RAI2: variants seen among roughly 807,000 people sequenced by gnomAD.
RAI2 encodes retinoic acid-induced protein 2.
A neutral mutation model predicts 15.3 loss-of-function variants in RAI2; 5 were observed. The ratio of observed to expected loss-of-function variants is 0.33; its 90% confidence interval spans 0.17 to 0.69. The LOEUF is 0.69. Among genes scored for constraint, RAI2 ranks in the 30% least tolerant of loss-of-function variants. RAI2 has a pLI of 0.69. For missense variants in RAI2, 424 were observed against 424.7 expected (o/e 1.00, Z 0.01); for synonymous variants, 191 against 184.0 (o/e 1.04, Z -0.31).
chrX:17,850,829 G>GT (rs2067523240), intron 1 of RAI2, among the ~76,000 whole-genome samples: 1 of 112,842 alleles, frequency 8.9e-6, no homozygotes. Flanking sequence ...TTGATAAGTC[G>GT]TAAGAGAAAG....
chrX:17,816,967 T>C (rs1244759822), intron 1 of RAI2, among the ~76,000 whole-genome samples: 1 of 111,217 alleles, frequency 9.0e-6, no homozygotes, highest in Non-Finnish European at 1.9e-5. Context: ...CAAAAGGACC[T>C]TTTAGAAGCT....
chrX:17,827,257 G>A (rs2147245885), intron 1 of RAI2, among the ~76,000 whole-genome samples: 1 of 111,745 alleles, frequency 8.9e-6, no homozygotes, highest in East Asian at 2.8e-4. Flanking sequence ...TCCCCTTGCA[G>A]GCCACACAGA....
rs1203336120 is a variant in RAI2, at chrX:17,800,634, TGA to T, written c.1375_1376del (p.Ser459ArgfsTer20). The T allele has an allele frequency of 8.3e-7, 1 of 1,211,707 alleles. No homozygotes were observed. The highest frequency in any genetic ancestry group is 2.2e-5 in the Admixed American group (1 of 46,053). ...AGGAGAAGTTTTTGGTGGACACCCC[TGA>T]GAGGCCTTTGATCTTGCCACAGAAT... Reference protein sequence around the residue: ...TIFCGKIKGLSGVSTKNFSFK... With the variant: ...TIFCGKIKGLXGVSTKNFSFK... On this transcript the variant is annotated frameshift_variant, in exon 2 of 2. Coordinates refer to ENST00000451717, the MANE Select transcript of RAI2 (RefSeq NM_021785.6). LOFTEE classifies it high-confidence loss of function.
At chrX:17,847,530 T>C (rs908045458) in intron 1 of RAI2, among the ~76,000 whole-genome samples, 5 of 112,958 alleles carry the variant, frequency 4.4e-5, no homozygotes, top group African/African-American at 9.7e-5. Context: ...TGTTTCTTCA[T>C]CCCACAAATG....
intron 1 of RAI2, among the ~76,000 whole-genome samples, chrX:17,840,027 T>C (rs769573580): frequency 8.9e-6 from 1 of 112,888 alleles, no homozygotes; most frequent in African/African-American, 3.2e-5. Flanking sequence ...AAACCAAGCA[T>C]GTACCAGTTT....
intron 1 of RAI2, among the ~76,000 whole-genome samples, chrX:17,840,584 T>C (rs1193771446): frequency 2.7e-5 from 3 of 111,826 alleles, no homozygotes; most frequent in Non-Finnish European, 5.6e-5. Flanking sequence ...TCCTAACTTG[T>C]AATTGCTCAA....
Position 17,801,521 on chromosome X carries a change from C to T in RAI2, c.490G>A (p.Ala164Thr). Residue 164 changes from alanine (A) to threonine (T), a missense_variant, in exon 2 of 2, where the codon GCC becomes ACC. Transcript: ENST00000451717. ...CTCAGGTCCAGGAGCTGGGGCTGGGCCTCGGGGTCCTCCGCTCCCTGGAAG... is the reference window on the plus strand; with the variant it reads ...CTCAGGTCCAGGAGCTGGGGCTGGGTCTCGGGGTCCTCCGCTCCCTGGAAG... The part of the protein sequence containing the change: ...NLFQGAEDPE[A>T]QPQLLDLRIP... 1 of 1,198,485 alleles carries T rather than the reference C, an allele frequency of 8.3e-7. No homozygotes were observed. Among genetic ancestry groups the T allele is most frequent in the Non-Finnish European group, 1.1e-6 (1 of 888,690 alleles).
chrX:17,818,510 G>T (rs1601911849), intron 1 of RAI2, among the ~76,000 whole-genome samples: 1 of 107,402 alleles, frequency 9.3e-6, no homozygotes. Context: ...AGAAATGTGT[G>T]TTTTTTTTTT....
At chrX:17,833,396 C>T (rs1157735485) in intron 1 of RAI2, among the ~76,000 whole-genome samples, 1 of 111,257 alleles carries the variant, frequency 9.0e-6, no homozygotes, top group African/African-American at 3.3e-5. Flanking sequence ...GTGGTGTGCG[C>T]CTGTAATCCC....
rs975896797 is a variant in RAI2, at chrX:17,818,360, T to C, written c.-24-16326A>G. Reference sequence around the variant, plus strand: ...GACTTAGGTGAACCCCTAACCCAGTTAGCCACCATTCTGCTAGCAAGTGCA... The same window carrying C: ...GACTTAGGTGAACCCCTAACCCAGTCAGCCACCATTCTGCTAGCAAGTGCA... On this transcript the variant is annotated intron_variant, in intron 1 of 1. Coordinates refer to ENST00000451717, the MANE Select transcript of RAI2 (RefSeq NM_021785.6). 3.4e-4 allele frequency among the ~76,000 whole-genome samples: 38 copies of C among 112,186 alleles called. 1 individual carries two copies. The highest frequency in any genetic ancestry group is 1.1e-4 in the Non-Finnish European group (6 of 53,232).
intron 1 of RAI2, among the ~76,000 whole-genome samples, chrX:17,858,218 C>A (rs763384871): frequency 3.6e-5 from 4 of 111,436 alleles, no homozygotes; most frequent in African/African-American, 1.3e-4. Flanking sequence ...GACATGTTGC[C>A]CCTTTAAATC....
At chrX:17,857,753 T>G (rs2067631989) in intron 1 of RAI2, among the ~76,000 whole-genome samples, 1 of 111,751 alleles carries the variant, frequency 8.9e-6, no homozygotes, top group South Asian at 3.8e-4. Context: ...ACTCCATCAG[T>G]GCCATCATTT....
chrX:17,847,247 C>G (rs1257597467), intron 1 of RAI2, among the ~76,000 whole-genome samples: 1 of 112,474 alleles, frequency 8.9e-6, no homozygotes, highest in African/African-American at 3.2e-5. Context: ...ATCCGCTGCA[C>G]TCCTCTACTT....
chrX:17,812,486 A>ATAC lies in RAI2; in HGVS notation c.-24-10455_-24-10453dup, dbSNP rs768280718. Among the ~76,000 whole-genome samples, 549 of 112,241 alleles carry ATAC rather than the reference A, an allele frequency of 4.9e-3. 4 individuals are homozygous for ATAC. Among genetic ancestry groups the ATAC allele is most frequent in the African/African-American group, 0.017 (508 of 30,785 alleles). On this transcript the variant is annotated intron_variant, in intron 1 of 1. Coordinates refer to ENST00000451717, the MANE Select transcript of RAI2 (RefSeq NM_021785.6). ...TTAAATATAGTGGGAAGACAAATAA[A>ATAC]TACACAAATCTGTTTCTCATTCAGA...
Position 17,833,599 on chromosome X carries a change from G to A in RAI2, c.-25+27499C>T, listed in dbSNP as rs750923174. Reference sequence around the variant, plus strand: ...TAGAAGTCAGAGTAGTGGTTACCTTGAGCCAGAAGAAGAGAAAAATAATGA... The same window carrying A: ...TAGAAGTCAGAGTAGTGGTTACCTTAAGCCAGAAGAAGAGAAAAATAATGA... On this transcript the variant is annotated intron_variant, in intron 1 of 1. Transcript: ENST00000451717. 6.1e-4 allele frequency among the ~76,000 whole-genome samples: 68 copies of A among 111,671 alleles called. 1 individual carries two copies. Among genetic ancestry groups the A allele is most frequent in the African/African-American group, 2.1e-3 (65 of 30,708 alleles).
chrX:17,860,162 C>T (rs1010613506), intron 1 of RAI2, among the ~76,000 whole-genome samples: 24 of 111,550 alleles, frequency 2.2e-4, no homozygotes, highest in Non-Finnish European at 1.9e-4. Flanking sequence ...CCAAGGACTT[C>T]TGATAGGGAA....
At chrX:17,808,229 G>GAGCAGCAGC (rs35200702) in intron 1 of RAI2, among the ~76,000 whole-genome samples, 1 of 110,598 alleles carries the variant, frequency 9.0e-6, no homozygotes, top group South Asian at 3.9e-4. Context: ...GGGGTCCTTG[G>GAGCAGCAGC]AGCAGCAGCA....
rs747992642 is a variant in RAI2 at position 17,832,213 on chromosome X, A to G, written c.-25+28885T>C. The stretch of plus-strand genomic sequence containing the variant: ...AAGGGCTCCCTCTTGTAGGGTGACC[A>G]ATTGTCCTGGTTTGCCCAGGACTGA... On this transcript the variant is annotated intron_variant, in intron 1 of 1. Coordinates refer to ENST00000451717, the MANE Select transcript of RAI2 (RefSeq NM_021785.6). Among the ~76,000 whole-genome samples the G allele has an allele frequency of 2.7e-5, 3 of 112,117 alleles. No individual in the cohort carries two copies. The South Asian group carries it at 1.1e-3, about 42-fold the overall frequency.
At chrX:17,830,860 T>C (rs2067275533) in intron 1 of RAI2, among the ~76,000 whole-genome samples, 1 of 112,071 alleles carries the variant, frequency 8.9e-6, no homozygotes, top group Non-Finnish European at 1.9e-5. Context: ...GATTCCCATA[T>C]GATAGAAAAA....
Sources: gnomAD v4.1 joint callset for allele counts (sites outside exome capture counted in the v4.1 genomes callset) on GRCh38, gnomAD v4.1.1 for gene constraint, MANE v1.5 for transcripts, NCBI Gene and HGNC (gene_info 2026-07-23, HGNC 2026-07-21) for gene names.